Variants in CMTM7 observed in about 807,000 individuals in gnomAD.
CMTM7 encodes CKLF like MARVEL transmembrane domain containing 7, also known as CKLF-like MARVEL transmembrane domain-containing protein 7.
CMTM7 carries 7 observed loss-of-function variants against 19.3 expected under a neutral mutation model. The observed-to-expected ratio is 0.36, with a 90% confidence interval of 0.21 to 0.68. The LOEUF (loss-of-function observed/expected upper bound fraction) is 0.68. Among genes scored for constraint, CMTM7 ranks in the 30% least tolerant of loss-of-function variants. The pLI is 0.60. For synonymous variants in CMTM7, 87 were observed against 99.3 expected, an observed-to-expected ratio of 0.88 and a Z score of 0.74; for missense variants, 193 against 232.6, an observed-to-expected ratio of 0.83 and a Z score of 1.11.
At chr3:32,430,469 G>C (rs1696499477) in intron 1 of CMTM7, among the ~76,000 whole-genome samples, 1 of 152,102 alleles carries the variant, frequency 6.6e-6, no homozygotes, top group Non-Finnish European at 1.5e-5. Context: ...TTCAACCCCA[G>C]ATTCAGTTCT....
intron 3 of CMTM7, 43 bp from the exon 4 acceptor site, chr3:32,452,349 G>A (rs1696850222): frequency 6.2e-7 from 1 of 1,614,012 alleles, no homozygotes; most frequent in Non-Finnish European, 8.5e-7. Flanking sequence ...CGAGTAATTA[G>A]CCCTATGGCC....
chr3:32,431,395 A>G (rs534100129), intron 1 of CMTM7, among the ~76,000 whole-genome samples: 1 of 152,174 alleles, frequency 6.6e-6, no homozygotes, highest in Admixed American at 6.5e-5. Flanking sequence ...TTGATTCTAT[A>G]ATTGGAGTAA....
At position 32,454,119 on chromosome 3, in the gene CMTM7, C is replaced by T. The variant is rs562206530; in HGVS notation, c.515-122C>T. ...AAAATGGAATAATCTCAGTGCAAGT[C>T]GGCACTGGGTGGAGGACACAGGTGC... On this transcript the variant is annotated intron_variant, in intron 4 of 4. Transcript: ENST00000334983. 171 of 1,039,016 alleles carry T rather than the reference C, an allele frequency of 1.6e-4. No homozygotes were observed. In the Middle Eastern group the frequency reaches 2.4e-3, roughly 15 times the overall value. 64.4% of individuals were successfully genotyped at this position (1,039,016 alleles called of 1,614,324 possible).
chr3:32,447,712 T>C (rs969394430), intron 2 of CMTM7, among the ~76,000 whole-genome samples: 6 of 152,168 alleles, frequency 3.9e-5, no homozygotes, highest in Non-Finnish European at 7.3e-5. Context: ...TTTTTTTGTG[T>C]TCGATTCTAT....
At chr3:32,443,670 T>G (rs1559414153) in intron 2 of CMTM7, among the ~76,000 whole-genome samples, 1 of 152,218 alleles carries the variant, frequency 6.6e-6, no homozygotes, top group Non-Finnish European at 1.5e-5. Context: ...GCTCACTGTT[T>G]TACATTCCCA....
intron 1 of CMTM7, among the ~76,000 whole-genome samples, chr3:32,397,644 G>C (rs1695938203): frequency 6.6e-6 from 1 of 151,902 alleles, no homozygotes; most frequent in Non-Finnish European, 1.5e-5. Flanking sequence ...TGAGGCAGGG[G>C]AATCTCTTGA....
At chr3:32,451,321 G>A (rs887077883) in intron 3 of CMTM7, 1 of 152,258 alleles carries the variant, frequency 6.6e-6, no homozygotes, top group Non-Finnish European at 1.5e-5. Flanking sequence ...CAGTGGCGGT[G>A]TAGTGAAGTG....
At chr3:32,448,142 T>C (rs1696778407) in intron 2 of CMTM7, among the ~76,000 whole-genome samples, 1 of 152,100 alleles carries the variant, frequency 6.6e-6, no homozygotes, top group Non-Finnish European at 1.5e-5. Context: ...AGCCACACAT[T>C]TTTGGCTGAG....
chr3:32,452,161 G>T, intron 3 of CMTM7: 1 of 1,501,738 alleles, frequency 6.7e-7, no homozygotes, highest in Non-Finnish European at 8.9e-7. Flanking sequence ...GAGAGGCCTG[G>T]CTGCCAGCCC....
chr3:32,452,551 C>CAAACCCA, intron 4 of CMTM7, 78 bp downstream of exon 4: 1 of 1,422,160 alleles, frequency 7.0e-7, no homozygotes, highest in Non-Finnish European at 9.9e-7. Flanking sequence ...GCCATAGGGA[C>CAAACCCA]AAACCCTGCT....
chr3:32,450,337 G>A (rs1165947708), intron 3 of CMTM7, among the ~76,000 whole-genome samples: 2 of 152,174 alleles, frequency 1.3e-5, no homozygotes, highest in Non-Finnish European at 2.9e-5. Context: ...CACTCGGCAG[G>A]AATGCTTGTG....
chr3:32,431,205 AC>A (rs1274958749), intron 1 of CMTM7, among the ~76,000 whole-genome samples: 2 of 152,224 alleles, frequency 1.3e-5, no homozygotes, highest in Non-Finnish European at 2.9e-5. Flanking sequence ...AACTATATGT[AC>A]AGTATGATCC....
At chr3:32,431,714 C>T (rs1696522617) in intron 1 of CMTM7, among the ~76,000 whole-genome samples, 1 of 152,170 alleles carries the variant, frequency 6.6e-6, no homozygotes, top group African/African-American at 2.4e-5. Context: ...GGCCAGGGTC[C>T]CAGGCCTGGC....
intron 1 of CMTM7, among the ~76,000 whole-genome samples, chr3:32,410,803 AAAC>A (rs968495292): frequency 6.6e-6 from 1 of 152,252 alleles, no homozygotes; most frequent in South Asian, 2.1e-4. Context: ...CTCACAATCA[AAAC>A]AACAGAAGCA....
chr3:32,447,647 CTT>C (rs1209842933), intron 2 of CMTM7, among the ~76,000 whole-genome samples: 4 of 152,082 alleles, frequency 2.6e-5, no homozygotes, highest in Non-Finnish European at 5.9e-5. Context: ...TTATATCTTA[CTT>C]ACGGATTCAG....
intron 1 of CMTM7, among the ~76,000 whole-genome samples, chr3:32,411,484 A>G (rs3867384): frequency 3.3e-5 from 5 of 152,100 alleles, no homozygotes; most frequent in African/African-American, 7.2e-5. Flanking sequence ...CCTCTATGCT[A>G]TCAAGAGTGT....
At chr3:32,421,594 G>A (rs908793152) in intron 1 of CMTM7, among the ~76,000 whole-genome samples, 1 of 152,110 alleles carries the variant, frequency 6.6e-6, no homozygotes, top group Non-Finnish European at 1.5e-5. Flanking sequence ...GTAGCTCTCT[G>A]GTGGTATTTA....
At chr3:32,412,906 C>T (rs963579986) in intron 1 of CMTM7, among the ~76,000 whole-genome samples, 1 of 152,100 alleles carries the variant, frequency 6.6e-6, no homozygotes, top group Admixed American at 6.5e-5. Context: ...ATAATATGTA[C>T]AATCATCTAA....
At chr3:32,436,666 G>A (rs1425924478) in intron 1 of CMTM7, among the ~76,000 whole-genome samples, 1 of 152,120 alleles carries the variant, frequency 6.6e-6, no homozygotes, top group Non-Finnish European at 1.5e-5. Context: ...GGACAGTGGG[G>A]TTGGGTGACC....
Sources: gnomAD v4.1 joint callset for allele counts (sites outside exome capture counted in the v4.1 genomes callset) on GRCh38, gnomAD v4.1.1 for gene constraint, MANE v1.5 for transcripts, NCBI Gene and HGNC (gene_info 2026-07-23, HGNC 2026-07-21) for gene names.